SLC44A5: variants seen among roughly 807,000 people sequenced by gnomAD.
SLC44A5 encodes the protein choline transporter-like protein 5.
SLC44A5 carries 57 observed loss-of-function variants against 101.8 expected under a neutral mutation model. That is an observed-to-expected ratio of 0.56 (90% CI 0.45 to 0.70). The LOEUF is 0.70. Ranked by LOEUF, SLC44A5 falls within the 30% of genes least tolerant of loss-of-function variation. SLC44A5 has a pLI of 0.00. For missense variants in SLC44A5, 737 were observed against 853.1 expected, an observed-to-expected ratio of 0.86 and a Z score of 1.70; for synonymous variants, 281 against 290.9, an observed-to-expected ratio of 0.97 and a Z score of 0.35.
intron 2 of SLC44A5, among the ~76,000 whole-genome samples, chr1:75,458,325 G>A (rs1666304352): frequency 6.6e-6 from 1 of 152,224 alleles, no homozygotes; most frequent in Admixed American, 6.5e-5. Context: ...TGAGACTAAA[G>A]TGAAAGGAAT....
At chr1:75,408,967 A>G (rs1388224527) in intron 2 of SLC44A5, among the ~76,000 whole-genome samples, 1 of 152,190 alleles carries the variant, frequency 6.6e-6, no homozygotes, top group African/African-American at 2.4e-5. Flanking sequence ...ATATGAAAAT[A>G]AAATAGGGGG....
chr1:75,579,589 CT>C (rs1408372683), intron 1 of SLC44A5, among the ~76,000 whole-genome samples: 1 of 152,134 alleles, frequency 6.6e-6, no homozygotes, highest in Non-Finnish European at 1.5e-5. Context: ...AATGGATAGC[CT>C]TTTTGCTTGA....
chr1:75,518,292 T>C (rs1178678172), intron 2 of SLC44A5, among the ~76,000 whole-genome samples: 4 of 152,228 alleles, frequency 2.6e-5, no homozygotes, highest in African/African-American at 4.8e-5. Context: ...ATATTCATGA[T>C]ATAGTTTTAA....
At chr1:75,490,292 A>G (rs997922608) in intron 2 of SLC44A5, among the ~76,000 whole-genome samples, 3 of 152,138 alleles carry the variant, frequency 2.0e-5, no homozygotes, top group African/African-American at 7.2e-5. Flanking sequence ...TGCTACATTT[A>G]ACCACTGGTA....
chr1:75,640,567 G>C, the SLC44A5 span, among the ~76,000 whole-genome samples: 3 of 152,160 alleles, frequency 2.0e-5, no homozygotes, highest in African/African-American at 7.2e-5. Context: ...TTCTGTACCT[G>C]TGAGTGATTC....
intron 2 of SLC44A5, among the ~76,000 whole-genome samples, chr1:75,449,001 T>C (rs1001871696): frequency 2.6e-5 from 4 of 152,110 alleles, no homozygotes; most frequent in Non-Finnish European, 5.9e-5. Flanking sequence ...CTCCCACCAC[T>C]AAGATTCTGA....
the SLC44A5 span, among the ~76,000 whole-genome samples, chr1:75,643,447 A>G: frequency 6.6e-5 from 10 of 152,318 alleles, no homozygotes; most frequent in Non-Finnish European, 1.5e-4. Context: ...ATATGTATAT[A>G]TCTTATTCAT....
chr1:75,676,392 G>A, the SLC44A5 span, among the ~76,000 whole-genome samples: 3 of 152,176 alleles, frequency 2.0e-5, no homozygotes, highest in African/African-American at 7.2e-5. Flanking sequence ...ACAAGATCAT[G>A]TCCTTTGCAG....
chr1:75,644,741 T>A, the SLC44A5 span, among the ~76,000 whole-genome samples: 1 of 152,130 alleles, frequency 6.6e-6, no homozygotes, highest in African/African-American at 2.4e-5. Context: ...CTGCACCTAT[T>A]AACTCATCAT....
At chr1:75,355,675 T>C (rs1312338103) in intron 3 of SLC44A5, among the ~76,000 whole-genome samples, 1 of 152,168 alleles carries the variant, frequency 6.6e-6, no homozygotes, top group Non-Finnish European at 1.5e-5. Flanking sequence ...AATTTCCTAT[T>C]ACCTAGTGAC....
intron 2 of SLC44A5, among the ~76,000 whole-genome samples, chr1:75,517,859 G>C (rs1669919989): frequency 6.6e-6 from 1 of 152,200 alleles, no homozygotes; most frequent in Non-Finnish European, 1.5e-5. Context: ...AGAATAGTTA[G>C]AAAGTGCTTT....
rs36100438 is a variant in SLC44A5, at chr1:75,597,187, C to CAA, written c.-70+13851_-70+13852dup. Among the ~76,000 whole-genome samples the CAA allele has an allele frequency of 8.0e-3, 824 of 102,884 alleles. 4 individuals are homozygous for CAA. The highest frequency in any genetic ancestry group is 0.015 in the Middle Eastern group (3 of 194). The allele number at this position is 102,884 out of a possible 152,430, so 67.5% of individuals were successfully genotyped here. On this transcript the variant is annotated intron_variant, in intron 1 of 23. Coordinates refer to ENST00000370859, the MANE Select transcript of SLC44A5 (RefSeq NM_001130058.2). ...TGGGCAATAGAGCCAGACTTTGTCTCAAAAAAAAAAAAAAAAGCCACAAAA... is the reference window on the plus strand; with the variant it reads ...TGGGCAATAGAGCCAGACTTTGTCTCAAAAAAAAAAAAAAAAAAGCCACAAAA...
chr1:75,630,252 T>C, the SLC44A5 span, among the ~76,000 whole-genome samples: 1 of 152,184 alleles, frequency 6.6e-6, no homozygotes, highest in African/African-American at 2.4e-5. Flanking sequence ...CTGCCTCTTT[T>C]CTGTCTGCCT....
intron 2 of SLC44A5, among the ~76,000 whole-genome samples, chr1:75,398,795 T>C (rs1557743493): frequency 6.6e-6 from 1 of 152,314 alleles, no homozygotes; most frequent in East Asian, 1.9e-4. Context: ...TTTCAAAACT[T>C]GTTTAGGAGA....
At chr1:75,492,783 T>C (rs988967386) in intron 2 of SLC44A5, among the ~76,000 whole-genome samples, 22 of 152,198 alleles carry the variant, frequency 1.4e-4, no homozygotes, top group Non-Finnish European at 2.4e-4. Context: ...ACTCAGCACG[T>C]CTTCTCCCTT....
chr1:75,268,954 C>T (rs1410448258), intron 6 of SLC44A5, among the ~76,000 whole-genome samples: 1 of 151,938 alleles, frequency 6.6e-6, no homozygotes, highest in East Asian at 1.9e-4. Context: ...TGCAAATTTC[C>T]ACTAGATGAG....
intron 5 of SLC44A5, among the ~76,000 whole-genome samples, chr1:75,276,193 T>G (rs965393798): frequency 1.3e-5 from 2 of 152,194 alleles, no homozygotes; most frequent in Admixed American, 1.3e-4. Flanking sequence ...TTCTAATACC[T>G]TCTTATTAAA....
At chr1:75,597,289 GA>G (rs1674696645) in intron 1 of SLC44A5, among the ~76,000 whole-genome samples, 1 of 151,516 alleles carries the variant, frequency 6.6e-6, no homozygotes, top group African/African-American at 2.4e-5. Context: ...ACTGCTCAAA[GA>G]AATCACAGAT....
intron 2 of SLC44A5, among the ~76,000 whole-genome samples, chr1:75,534,073 C>T (rs1474614444): frequency 6.6e-6 from 1 of 152,130 alleles, no homozygotes; most frequent in Non-Finnish European, 1.5e-5. Context: ...AAGGTTTCAC[C>T]ATCATCCCCA....
Sources: allele counts gnomAD v4.1 joint callset (sites outside exome capture counted in the v4.1 genomes callset), GRCh38; gene constraint gnomAD v4.1.1; transcripts MANE v1.5; gene names NCBI Gene and HGNC (gene_info 2026-07-23, HGNC 2026-07-21).